Variants in DCUN1D4 observed in about 807,000 individuals in gnomAD.
The protein encoded by DCUN1D4 is defective in cullin neddylation 1 domain containing 4, also known as DCN1-like protein 4.
A neutral mutation model predicts 47.9 loss-of-function variants in DCUN1D4; 22 were observed. The ratio of observed to expected loss-of-function variants is 0.46; its 90% CI spans 0.33 to 0.66. The LOEUF (loss-of-function observed/expected upper bound fraction) is 0.66, where lower values mean the gene tolerates loss of function less well. Among genes scored for constraint, DCUN1D4 ranks in the 30% least tolerant of loss-of-function variants. The pLI, the probability that DCUN1D4 is intolerant of heterozygous loss-of-function variation, is 0.02. For missense variants in DCUN1D4, 301 were observed against 340.8 expected, an observed-to-expected ratio of 0.88 and a Z score of 0.92; for synonymous variants, 121 against 112.2, an observed-to-expected ratio of 1.08 and a Z score of -0.50.
At chr4:51,861,138 A>G (rs1724990572) in intron 1 of DCUN1D4, among the ~76,000 whole-genome samples, 1 of 152,186 alleles carries the variant, frequency 6.6e-6, no homozygotes, top group Non-Finnish European at 1.5e-5. Flanking sequence ...ATGAAGGAGA[A>G]TTTTTTATCC....
At chr4:51,868,558 G>A (rs1451526721) in intron 3 of DCUN1D4, among the ~76,000 whole-genome samples, 1 of 152,196 alleles carries the variant, frequency 6.6e-6, no homozygotes. Flanking sequence ...TAAAAACTGA[G>A]CAACATAAAA....
intron 10 of DCUN1D4, 58 bp from the exon 11 acceptor site, chr4:51,913,471 C>G: frequency 6.4e-7 from 1 of 1,559,200 alleles, no homozygotes. Context: ...AGCTACATTA[C>G]TATTATTATT....
At chr4:51,902,721 A>C (rs982962652) in intron 8 of DCUN1D4, among the ~76,000 whole-genome samples, 2 of 152,326 alleles carry the variant, frequency 1.3e-5, no homozygotes, top group African/African-American at 4.8e-5. Flanking sequence ...TATTACATTT[A>C]ATGTAATTAT....
At chr4:51,856,780 T>C (rs1577863855) in intron 1 of DCUN1D4, among the ~76,000 whole-genome samples, 1 of 152,214 alleles carries the variant, frequency 6.6e-6, no homozygotes, top group Non-Finnish European at 1.5e-5. Context: ...TACACTGCAA[T>C]CACATTTTAT....
Position 51,872,143 on chromosome 4 carries a change from C to G in DCUN1D4, c.137-2128C>G, listed in dbSNP as rs149444032. On this transcript the variant is annotated intron_variant, in intron 3 of 10. Transcript: ENST00000334635. ...CCTGGGCACTGTCCAAGACTGGGGT[C>G]TGGGAAGGACCCTCATCTGGGCCAG... Among the ~76,000 whole-genome samples, 172 of 152,272 alleles carry G rather than the reference C, an allele frequency of 1.1e-3. 3 individuals carry two copies. Among genetic ancestry groups the G allele is most frequent in the African/African-American group, 3.7e-3 (153 of 41,552 alleles).
chr4:51,879,266 T>C (rs534216939), intron 5 of DCUN1D4, among the ~76,000 whole-genome samples: 2 of 152,356 alleles, frequency 1.3e-5, no homozygotes, highest in South Asian at 4.1e-4. Flanking sequence ...TGAGTTCGTT[T>C]GATTCATTGA....
At chr4:51,849,836 TGTGTGTGTGCGTGC>T (rs984711336) in intron 1 of DCUN1D4, among the ~76,000 whole-genome samples, 61 of 118,804 alleles carry the variant, frequency 5.1e-4, no homozygotes, top group African/African-American at 2.8e-3. Context: ...CAGAAATATG[TGTGTGTGTGCGTGC>T]GTGTGTGTGT....
At chr4:51,846,638 G>A (rs1463543935) in intron 1 of DCUN1D4, among the ~76,000 whole-genome samples, 1 of 152,148 alleles carries the variant, frequency 6.6e-6, no homozygotes, top group African/African-American at 2.4e-5. Context: ...ATCAACCTGT[G>A]AGAAACTGAC....
chr4:51,847,781 G>T (rs1722782367), intron 1 of DCUN1D4, among the ~76,000 whole-genome samples: 1 of 152,064 alleles, frequency 6.6e-6, no homozygotes, highest in Non-Finnish European at 1.5e-5. Context: ...TGCTGTTTTA[G>T]AATTTTTCTT....
upstream of DCUN1D4, among the ~76,000 whole-genome samples, chr4:51,841,453 C>T (rs1312299919): frequency 1.3e-5 from 2 of 152,154 alleles, no homozygotes. Flanking sequence ...GAGGTACCTA[C>T]CCATCACTGT....
chr4:51,913,143 C>A (rs1733951830), intron 9 of DCUN1D4, 147 bp from the exon 10 acceptor site: 1 of 472,996 alleles, frequency 2.1e-6, no homozygotes, highest in African/African-American at 2.0e-5. Flanking sequence ...TCTCCCTCAC[C>A]ATCCTCCTAG....
chr4:51,913,450 G>A, intron 10 of DCUN1D4, 58 bp downstream of exon 10: 1 of 1,577,230 alleles, frequency 6.3e-7, no homozygotes, highest in Non-Finnish European at 8.7e-7. Context: ...ATCCTCATTG[G>A]GAAAAGCCTC....
chr4:51,902,408 T>G (rs995686963), intron 8 of DCUN1D4, among the ~76,000 whole-genome samples: 2 of 152,218 alleles, frequency 1.3e-5, no homozygotes, highest in African/African-American at 2.4e-5. Flanking sequence ...TGTCACTTTT[T>G]TGCTCCACAT....
intron 1 of DCUN1D4, among the ~76,000 whole-genome samples, chr4:51,857,446 A>T (rs1724308790): frequency 6.6e-6 from 1 of 152,184 alleles, no homozygotes; most frequent in African/African-American, 2.4e-5. Context: ...TCTCCTGATC[A>T]GAACACCTCC....
At chr4:51,853,316 C>G (rs1723642947) in intron 1 of DCUN1D4, among the ~76,000 whole-genome samples, 1 of 152,144 alleles carries the variant, frequency 6.6e-6, no homozygotes, top group South Asian at 2.1e-4. Flanking sequence ...TGACCTGTTC[C>G]CTTATCAATT....
chr4:51,913,044 A>C (rs545521735), intron 9 of DCUN1D4, among the ~76,000 whole-genome samples: 3 of 152,160 alleles, frequency 2.0e-5, no homozygotes, highest in Non-Finnish European at 4.4e-5. Flanking sequence ...GGGATATATA[A>C]TCATGTTATT....
At chr4:51,844,392 G>A (rs1016146429) in intron 1 of DCUN1D4, 1 of 984,710 alleles carries the variant, frequency 1.0e-6, no homozygotes, top group African/African-American at 1.8e-5. Flanking sequence ...CGGACGGCGG[G>A]AAGCGAGGTC....
intron 3 of DCUN1D4, among the ~76,000 whole-genome samples, chr4:51,867,160 T>TG (rs1429963375): frequency 6.6e-6 from 1 of 152,214 alleles, no homozygotes; most frequent in Non-Finnish European, 1.5e-5. Flanking sequence ...CTGGACCAGA[T>TG]GTACTGCATG....
intron 3 of DCUN1D4, among the ~76,000 whole-genome samples, chr4:51,867,486 G>A (rs540993496): frequency 1.3e-5 from 2 of 152,142 alleles, no homozygotes; most frequent in Non-Finnish European, 2.9e-5. Context: ...AAGGTGTAGA[G>A]GAGCTTCATT....
Sources: gnomAD v4.1 joint callset for allele counts (sites outside exome capture counted in the v4.1 genomes callset) on GRCh38, gnomAD v4.1.1 for gene constraint, MANE v1.5 for transcripts, NCBI Gene and HGNC (gene_info 2026-07-23, HGNC 2026-07-21) for gene names.